The following CLYBL variants were observed in gnomAD, a reference collection of about 807,000 sequenced individuals.
CLYBL encodes the protein citramalyl-CoA lyase, mitochondrial.
In CLYBL, 31 loss-of-function variants were observed where a neutral mutation model predicts 38.9. That is an observed-to-expected ratio of 0.80 (90% CI 0.60 to 1.08). The LOEUF is 1.08. Ranked by LOEUF, CLYBL falls within the 50% of genes least tolerant of loss-of-function variation. The pLI is 0.00. For missense variants in CLYBL, 434 were observed against 411.6 expected (o/e 1.05, Z -0.47); for synonymous variants, 171 against 158.6 (o/e 1.08, Z -0.59).
chr13:99,772,759 GTTT>G, intron 1 of CLYBL, 62 bp from the exon 2 acceptor site: 2 of 1,309,474 alleles, frequency 1.5e-6, no homozygotes, highest in Non-Finnish European at 2.1e-6. Flanking sequence ...TTAAAATATA[GTTT>G]TTCACAAGTT....
intron 1 of CLYBL, among the ~76,000 whole-genome samples, chr13:99,618,458 C>T (rs572724293): frequency 2.0e-5 from 3 of 151,880 alleles, no homozygotes; most frequent in African/African-American, 4.8e-5. Context: ...TTAGTAGAGA[C>T]GGGGTTTCAC....
chr13:99,767,865 A>G (rs543809556), intron 1 of CLYBL, among the ~76,000 whole-genome samples: 2 of 151,904 alleles, frequency 1.3e-5, no homozygotes, highest in Non-Finnish European at 2.9e-5. Context: ...GATGTCCTTC[A>G]CTTCTTCCTT....
chr13:99,655,956 G>T (rs1355652913), intron 1 of CLYBL, among the ~76,000 whole-genome samples: 1 of 152,164 alleles, frequency 6.6e-6, no homozygotes, highest in Non-Finnish European at 1.5e-5. Context: ...AGTCTGGTTC[G>T]CAGGTGCGGT....
intron 1 of CLYBL, among the ~76,000 whole-genome samples, chr13:99,676,483 A>C (rs866947835): frequency 7.9e-5 from 12 of 151,006 alleles, no homozygotes; most frequent in Non-Finnish European, 1.6e-4. Context: ...TTTTTAGTAG[A>C]GACAGGATTT....
chr13:99,816,936 G>A (rs941925204), intron 2 of CLYBL, among the ~76,000 whole-genome samples: 3 of 152,164 alleles, frequency 2.0e-5, no homozygotes, highest in African/African-American at 4.8e-5. Flanking sequence ...CGTGCGCTGC[G>A]GATAGGGTTT....
At chr13:99,832,703 C>G (rs1028363933) in intron 2 of CLYBL, among the ~76,000 whole-genome samples, 1 of 151,908 alleles carries the variant, frequency 6.6e-6, no homozygotes. Context: ...CCACTTGTCA[C>G]AGTTAGAATT....
Position 99,679,853 on chromosome 13 carries a change from C to T in CLYBL, c.62+73096C>T, listed in dbSNP as rs139132476. 7.9e-5 allele frequency among the ~76,000 whole-genome samples: 12 copies of T among 152,098 alleles called. No individual in the cohort carries two copies. In the East Asian group the frequency reaches 1.7e-3, roughly 22 times the overall value. ...AGATTTCCAGGTGCACGTTATTAAA[C>T]GTCATTCAAAGGAAATGTTTGGCCA... is the stretch of plus-strand genomic sequence containing the variant. On this transcript the variant is annotated intron_variant, in intron 1 of 8. Coordinates refer to ENST00000339105, the MANE Select transcript of CLYBL (RefSeq NM_206808.5).
intron 1 of CLYBL, among the ~76,000 whole-genome samples, chr13:99,710,658 A>G (rs1312133161): frequency 1.3e-5 from 2 of 152,070 alleles, no homozygotes; most frequent in African/African-American, 2.4e-5. Context: ...CTTCTCCGGT[A>G]TCAGCCCCCT....
intron 5 of CLYBL, 49 bp downstream of exon 5, chr13:99,864,960 T>C (rs1460827679): frequency 2.3e-6 from 3 of 1,277,030 alleles, no homozygotes; most frequent in African/African-American, 1.5e-5. Flanking sequence ...TGTGTGTATA[T>C]GTGTGTATAT....
intron 1 of CLYBL, among the ~76,000 whole-genome samples, chr13:99,768,192 C>CTTTTTTTTTTTTTTTTT (rs58499426): frequency 9.7e-6 from 1 of 102,672 alleles, no homozygotes; most frequent in Non-Finnish European, 1.8e-5. Flanking sequence ...TTTTCTTTTT[C>CTTTTTTTTTTTTTTTTT]TTTTTTTTTT....
At position 99,730,403 on chromosome 13, in the gene CLYBL, G is replaced by A. The variant is rs563432592; in HGVS notation, c.63-42421G>A. Reference sequence around the variant, plus strand: ...GCCCAGCACTGCCCAGGTGGCTGGAGCGAGTCACGGGGAGAGCAGAAAGCT... The same window carrying A: ...GCCCAGCACTGCCCAGGTGGCTGGAACGAGTCACGGGGAGAGCAGAAAGCT... On this transcript the variant is annotated intron_variant, in intron 1 of 8. Transcript: ENST00000339105. Among the ~76,000 whole-genome samples the A allele has an allele frequency of 5.3e-5, 8 of 152,368 alleles. No individual in the cohort carries two copies. In the South Asian group the frequency reaches 1.7e-3, roughly 32 times the overall value.
chr13:99,851,422 T>C (rs1006441175), intron 2 of CLYBL, among the ~76,000 whole-genome samples: 12 of 151,486 alleles, frequency 7.9e-5, no homozygotes, highest in African/African-American at 2.2e-4. Context: ...GTTGACAATG[T>C]TGCATAAGTA....
In CLYBL at chr13:99,668,319, G is replaced by A. The variant is rs552645568; in HGVS notation, c.62+61562G>A. On this transcript the variant is annotated intron_variant, in intron 1 of 8. Coordinates refer to ENST00000339105, the MANE Select transcript of CLYBL (RefSeq NM_206808.5). The stretch of plus-strand genomic sequence containing the variant: ...AGAACACTGGCGGCCGGGCATGGTA[G>A]CTCACGCCTGTAATCCCAGCACTGG... Among the ~76,000 whole-genome samples, 6 of 151,024 alleles carry A rather than the reference G, an allele frequency of 4.0e-5. No homozygotes were observed. In the South Asian group the frequency reaches 1.3e-3, roughly 31 times the overall value.
chr13:99,812,290 A>C (rs1335619587), intron 2 of CLYBL, among the ~76,000 whole-genome samples: 2 of 152,236 alleles, frequency 1.3e-5, no homozygotes, highest in African/African-American at 4.8e-5. Context: ...GAGGACTCAC[A>C]GTCCAGTAGA....
At position 99,858,923 on chromosome 13, in the gene CLYBL, ATG is replaced by A. The variant is rs776981986; in HGVS notation, c.317_318del (p.Val106GlufsTer36). On this transcript the variant is annotated frameshift_variant, in exon 3 of 9. Coordinates refer to ENST00000339105, the MANE Select transcript of CLYBL (RefSeq NM_206808.5). LOFTEE classifies it high-confidence loss of function. ...ACATTGATCTGGGCCCTACTGAAAA[ATG>A]TGTGAGAGTCAACTCAGTTTCCAGT... ...EDIDLGPTEK[C>X]VRVNSVSSGL... 6 of 1,614,024 alleles carry A rather than the reference ATG, an allele frequency of 3.7e-6. No homozygotes were observed. Among genetic ancestry groups the A allele is most frequent in the Non-Finnish European group, 5.1e-6 (6 of 1,179,914 alleles).
chr13:99,730,209 G>T (rs1182730198), intron 1 of CLYBL, among the ~76,000 whole-genome samples: 1 of 152,218 alleles, frequency 6.6e-6, no homozygotes, highest in African/African-American at 2.4e-5. Flanking sequence ...CCAGCCTCTT[G>T]GTTAGGCAGC....
At chr13:99,705,706 A>G (rs1036545895) in intron 1 of CLYBL, among the ~76,000 whole-genome samples, 9 of 152,146 alleles carry the variant, frequency 5.9e-5, no homozygotes, top group Non-Finnish European at 1.2e-4. Context: ...AGAGTAGTCA[A>G]ATTCACAGCA....
At chr13:99,767,480 A>G (rs548385774) in intron 1 of CLYBL, among the ~76,000 whole-genome samples, 3 of 152,252 alleles carry the variant, frequency 2.0e-5, no homozygotes, top group African/African-American at 4.8e-5. Flanking sequence ...GGATGTTTGT[A>G]TTCAAGTCTT....
chr13:99,673,645 G>A (rs1225254050), intron 1 of CLYBL, among the ~76,000 whole-genome samples: 2 of 152,130 alleles, frequency 1.3e-5, no homozygotes, highest in African/African-American at 2.4e-5. Context: ...AAGTGAGAGG[G>A]GTCCACAGCA....
Sources: allele counts gnomAD v4.1 joint callset (sites outside exome capture counted in the v4.1 genomes callset), GRCh38; gene constraint gnomAD v4.1.1; transcripts MANE v1.5; gene names NCBI Gene and HGNC (gene_info 2026-07-23, HGNC 2026-07-21).